DYNC1H1: variants seen among roughly 807,000 people sequenced by gnomAD.
DYNC1H1 encodes dynein cytoplasmic 1 heavy chain 1, also known as cytoplasmic dynein 1 heavy chain 1.
A neutral mutation model predicts 527.1 loss-of-function variants in DYNC1H1; 51 were observed. That is an observed-to-expected ratio of 0.10 (90% CI 0.08 to 0.12). The LOEUF (loss-of-function observed/expected upper bound fraction) is 0.12, where lower values mean the gene tolerates loss of function less well. Among genes scored for constraint, DYNC1H1 ranks in the 10% least tolerant of loss-of-function variants. The pLI, the probability that DYNC1H1 is intolerant of heterozygous loss-of-function variation, is 1.00. For synonymous variants in DYNC1H1, 2,189 were observed against 2,278.8 expected (o/e 0.96, Z 1.12); for missense variants, 2,771 against 5,971.8 (o/e 0.46, Z 17.66).
In DYNC1H1 at chr14:102,018,750, C is replaced by G; in HGVS notation, c.8343+134C>G. On this transcript the variant is annotated intron_variant, in intron 41 of 77. Transcript: ENST00000360184. This position sits in a 1 kb window ranked among gnomAD's most constrained non-coding sequence, Gnocchi z 5.2. Reference sequence around the variant, plus strand: ...CCAAGGTGGGTGGATCCTTTGAGCCCAGGAGTTTGAGACCAGTCTGGACAA... The same window carrying G: ...CCAAGGTGGGTGGATCCTTTGAGCCGAGGAGTTTGAGACCAGTCTGGACAA... 1 of 1,241,540 alleles carries G rather than the reference C, an allele frequency of 8.1e-7. No homozygotes were observed. The highest frequency in any genetic ancestry group is 1.3e-5 in the South Asian group (1 of 77,612). 76.9% of individuals were successfully genotyped at this position (1,241,540 alleles called of 1,614,324 possible).
rs376065869 is a variant in DYNC1H1, at chr14:102,034,036, A to G, written c.10474A>G (p.Thr3492Ala). The G allele has an allele frequency of 1.9e-6, 3 of 1,614,102 alleles. No homozygotes were observed. The highest frequency in any genetic ancestry group is 2.5e-6 in the Non-Finnish European group (3 of 1,180,028). The change falls in exon 55 of 78, where the codon ACA (threonine) becomes GCA (alanine). Residue 3492 changes from threonine (T) to alanine (A), a missense_variant. Physicochemically the swap from Thr to Ala is moderately conservative, Grantham distance 58. Coordinates refer to ENST00000360184, the MANE Select transcript of DYNC1H1 (RefSeq NM_001376.5). ...TGCTGAACGTGAACGATGGGAAAAA[A>G]CAAGTGAAACTTTCAAAAACCAGAT... ...LSAERERWEK[T>A]SETFKNQMST...
chr14:101,976,490 C>T (rs1254338424), intron 2 of DYNC1H1, among the ~76,000 whole-genome samples: 1 of 150,746 alleles, frequency 6.6e-6, no homozygotes. Flanking sequence ...TGCAGTGAGC[C>T]GAGATTGTGC....
rs17512635 is a variant in DYNC1H1 at position 102,029,375 on chromosome 14, C to T, written c.9469-164C>T. 2.2e-4 allele frequency: 182 copies of T among 823,104 alleles called. 1 individual carries two copies. In the African/African-American group the frequency reaches 2.5e-3, roughly 12 times the overall value. 51.0% of individuals were successfully genotyped at this position (823,104 alleles called of 1,614,324 possible). ...AGGTTTGGAAGTGTAAGGGGTATCT[C>T]GAAAGCTCTAAGTGGCTAAGCTGAG... is the stretch of plus-strand genomic sequence containing the variant. On this transcript the variant is annotated intron_variant, in intron 48 of 77. Transcript: ENST00000360184. This position sits in a 1 kb window ranked among gnomAD's most constrained non-coding sequence, Gnocchi z 5.3.
chr14:102,029,267 T>G lies in DYNC1H1; in HGVS notation c.9469-272T>G. The G allele has an allele frequency of 4.0e-6, 2 of 495,336 alleles. No individual in the cohort carries two copies. Among genetic ancestry groups the G allele is most frequent in the African/African-American group, 1.9e-5 (1 of 51,694 alleles). The allele number at this position is 495,336 out of a possible 1,614,324, so 30.7% of individuals were successfully genotyped here. A position where few individuals can be genotyped will look rare whatever the true frequency, so the allele number is the denominator to read the frequency against. On this transcript the variant is annotated intron_variant, in intron 48 of 77. Coordinates refer to ENST00000360184, the MANE Select transcript of DYNC1H1 (RefSeq NM_001376.5). The surrounding 1 kb of genome is among the most constrained non-coding windows in gnomAD (Gnocchi z 5.3). ...GCTAACCTTTCTATAGTAACTGACATTTGTGATGCCTTTTCACATAAGTAC... is the reference window on the plus strand; with the variant it reads ...GCTAACCTTTCTATAGTAACTGACAGTTGTGATGCCTTTTCACATAAGTAC...
At position 102,010,884 on chromosome 14, in the gene DYNC1H1, A is replaced by G. The variant is rs2152578236; in HGVS notation, c.6550A>G (p.Lys2184Glu). Reference protein sequence around the residue: ...EMTALREELKKVCQEMYLTYG... With the variant: ...EMTALREELKEVCQEMYLTYG... ...GACTGCCCTTCGAGAGGAGCTGAAG[A>G]AAGTGTGTCAGGAGATGTATTTGAC... is the stretch of plus-strand genomic sequence containing the variant. Residue 2184 changes from lysine to glutamate, a missense_variant, in exon 32 of 78, where the codon AAA becomes GAA. This residue lies in a region of DYNC1H1 where 56 missense variants were observed against 140.6 expected (regional missense o/e 0.40). Coordinates refer to ENST00000360184, the MANE Select transcript of DYNC1H1 (RefSeq NM_001376.5). The surrounding 1 kb of genome is among the most constrained non-coding windows in gnomAD (Gnocchi z 6.0). 1.2e-6 allele frequency: 2 copies of G among 1,614,244 alleles called. No homozygotes were observed. Among genetic ancestry groups the G allele is most frequent in the Non-Finnish European group, 8.5e-7 (1 of 1,180,052 alleles).
chr14:101,968,759 C>T (rs1180867152), intron 1 of DYNC1H1, among the ~76,000 whole-genome samples: 1 of 148,198 alleles, frequency 6.7e-6, no homozygotes, highest in Non-Finnish European at 1.5e-5. Context: ...GCAGGGTCTC[C>T]CCATGTTGCC....
rs1293536842 is a variant in DYNC1H1, at chr14:101,985,590, C to T, written c.1462-97C>T. The T allele has an allele frequency of 2.9e-6, 4 of 1,385,034 alleles. No individual in the cohort carries two copies. The highest frequency in any genetic ancestry group is 4.1e-6 in the Non-Finnish European group (4 of 981,784). 85.8% of individuals were successfully genotyped at this position (1,385,034 alleles called of 1,614,324 possible). On this transcript the variant is annotated intron_variant, in intron 7 of 77. Coordinates refer to ENST00000360184, the MANE Select transcript of DYNC1H1 (RefSeq NM_001376.5). The surrounding 1 kb of genome is among the most constrained non-coding windows in gnomAD (Gnocchi z 5.9). ...CCGCCTGCCTTGGCCTCCCAAAGTG[C>T]TGGGATTACAGGTGTGAGCCACTGC...
At position 102,050,898 on chromosome 14, in the gene DYNC1H1, C is replaced by T. The variant is rs575000400; in HGVS notation, c.*335C>T. ...ACGGCAGCCATGCCCCTCCCCACCT[C>T]GCTTTCATCATGAGCTCGCTCCCGA... On this transcript the variant is annotated 3_prime_UTR_variant, in exon 78 of 78. Coordinates refer to ENST00000360184, the MANE Select transcript of DYNC1H1 (RefSeq NM_001376.5). 371 of 375,398 alleles carry T rather than the reference C, an allele frequency of 9.9e-4. 3 individuals are homozygous for T. Among genetic ancestry groups the T allele is most frequent in the South Asian group, 7.8e-3 (353 of 45,166 alleles). The allele number at this position is 375,398 out of a possible 1,614,324, so 23.3% of individuals were successfully genotyped here. A position where few individuals can be genotyped will look rare whatever the true frequency, so the allele number is the denominator to read the frequency against.
rs76566190 is a variant in DYNC1H1 at position 102,051,255 on chromosome 14, CAA to C, written c.*704_*705del. On this transcript the variant is annotated 3_prime_UTR_variant, in exon 78 of 78. Transcript: ENST00000360184. The stretch of plus-strand genomic sequence containing the variant: ...TGGGTGACAGAGCAAGACCCTGTCT[CAA>C]AAAAAAAAAAAGCTGGGCGTGGTGG... 84 of 142,026 alleles carry C rather than the reference CAA, an allele frequency of 5.9e-4. No individual in the cohort carries two copies. The highest frequency in any genetic ancestry group is 9.3e-4 in the Non-Finnish European group (60 of 64,646). The allele number at this position is 142,026 out of a possible 1,614,324, so 8.8% of individuals were successfully genotyped here. A position where few individuals can be genotyped will look rare whatever the true frequency, so the allele number is the denominator to read the frequency against.
chr14:102,003,912 C>T (rs1335720700), intron 23 of DYNC1H1, among the ~76,000 whole-genome samples: 2 of 149,916 alleles, frequency 1.3e-5, no homozygotes, highest in East Asian at 4.0e-4. Context: ...GGTGACAGAG[C>T]AAGACTCCAT....
rs1383117534 is a variant in DYNC1H1 at position 101,986,137 on chromosome 14, G to A, written c.1912G>A (p.Val638Ile). 6 of 1,614,074 alleles carry A rather than the reference G, an allele frequency of 3.7e-6. No homozygotes were observed. The highest frequency in any genetic ancestry group is 2.7e-5 in the African/African-American group (2 of 74,928). Reference protein sequence around the residue: ...PQSQACKMSHVRDLPPVSGSI... With the variant: ...PQSQACKMSHIRDLPPVSGSI... Reference sequence around the variant, plus strand: ...GAGTCAGGCTTGTAAGATGAGTCACGTTCGTGACTTGCCCCCTGTGTCAGG... The same window carrying A: ...GAGTCAGGCTTGTAAGATGAGTCACATTCGTGACTTGCCCCCTGTGTCAGG... Residue 638 changes from valine (V) to isoleucine (I), a missense_variant, in exon 8 of 78, where the codon GTT becomes ATT. This residue lies in a region of DYNC1H1 where 264 missense variants were observed against 619.4 expected (regional missense o/e 0.43). Coordinates refer to ENST00000360184, the MANE Select transcript of DYNC1H1 (RefSeq NM_001376.5). This position sits in a 1 kb window ranked among gnomAD's most constrained non-coding sequence, Gnocchi z 8.7.
rs1405856802 is a variant in DYNC1H1, at chr14:102,027,049, A to G, written c.8772-125A>G. On this transcript the variant is annotated intron_variant, in intron 44 of 77. Coordinates refer to ENST00000360184, the MANE Select transcript of DYNC1H1 (RefSeq NM_001376.5). The surrounding 1 kb of genome is among the most constrained non-coding windows in gnomAD (Gnocchi z 7.7). ...TGGACTTCACAAATAACAGTTGCTC[A>G]GCAAATGTTTAATATACAAGTTCAA... 9 of 1,154,750 alleles carry G rather than the reference A, an allele frequency of 7.8e-6. No individual in the cohort carries two copies. The highest frequency in any genetic ancestry group is 9.1e-6 in the Non-Finnish European group (7 of 766,762). The allele number at this position is 1,154,750 out of a possible 1,614,324, so 71.5% of individuals were successfully genotyped here. A position where few individuals can be genotyped will look rare whatever the true frequency, so the allele number is the denominator to read the frequency against.
rs149526821 is a variant in DYNC1H1, at chr14:102,022,790, C to T, written c.8547C>T (p.Asn2849=). The change falls in exon 43 of 78, where the codon AAC becomes AAT. Residue 2849 remains asparagine (N), a synonymous_variant. Transcript: ENST00000360184. ...AGGAGAGGCGTTGGACTGATGAGAA[C>T]ATCGACACGGTTGCTCTGAAGCACT... The part of the protein sequence containing the change: ...EDEERRWTDE[N]IDTVALKHFP... 1.1e-5 allele frequency: 18 copies of T among 1,614,232 alleles called. No homozygotes were observed. In the Admixed American group the frequency reaches 2.8e-4, roughly 25 times the overall value.
chr14:102,038,080 A>T lies in DYNC1H1; in HGVS notation c.10909-380A>T. 1 of 349,380 alleles carries T rather than the reference A, an allele frequency of 2.9e-6. No individual in the cohort carries two copies. The highest frequency in any genetic ancestry group is 5.6e-6 in the Non-Finnish European group (1 of 178,348). 21.6% of individuals were successfully genotyped at this position (349,380 alleles called of 1,614,324 possible). A position where few individuals can be genotyped will look rare whatever the true frequency, so the allele number is the denominator to read the frequency against. ...CCCCCAGTCTGAACCTCCCAGGTTC[A>T]AGCAATTCTGTCTCAGCCTCCCAGG... On this transcript the variant is annotated intron_variant, in intron 57 of 77. Transcript: ENST00000360184. This position sits in a 1 kb window ranked among gnomAD's most constrained non-coding sequence, Gnocchi z 7.2.
chr14:102,022,970 A>G, intron 43 of DYNC1H1, 90 bp downstream of exon 43: 1 of 1,590,612 alleles, frequency 6.3e-7, no homozygotes. Context: ...TTCTACTCAA[A>G]AATATCTTTA....
In DYNC1H1 at chr14:102,049,552, A is replaced by G; in HGVS notation, c.13485A>G (p.Ala4495=). ...AACAGCTGCAGAACATCTCACTGGC[A>G]GCTGCATCTGGTGGCGCCAAGGAGC... is the stretch of plus-strand genomic sequence containing the variant. The part of the protein sequence containing the change: ...RIKQLQNISL[A]AASGGAKELK... Residue 4495 remains alanine, a synonymous_variant, in exon 75 of 78, where the codon GCA becomes GCG. Coordinates refer to ENST00000360184, the MANE Select transcript of DYNC1H1 (RefSeq NM_001376.5). The surrounding 1 kb of genome is among the most constrained non-coding windows in gnomAD (Gnocchi z 5.5). 6.2e-7 allele frequency: 1 copy of G among 1,614,120 alleles called. No homozygotes were observed. Among genetic ancestry groups the G allele is most frequent in the Non-Finnish European group, 8.5e-7 (1 of 1,180,032 alleles).
At position 102,033,400 on chromosome 14, in the gene DYNC1H1, C is replaced by T. The variant is rs1368241716; in HGVS notation, c.10329C>T (p.Ser3443=). Residue 3443 remains serine, a synonymous_variant, in exon 54 of 78, where the codon AGC becomes AGT. Coordinates refer to ENST00000360184, the MANE Select transcript of DYNC1H1 (RefSeq NM_001376.5). This position sits in a 1 kb window ranked among gnomAD's most constrained non-coding sequence, Gnocchi z 5.6. ...VEQMIRDLEA[S]IARYKEEYAV... ...AGATGATCCGAGACCTGGAAGCCAG[C>T]ATCGCCCGCTACAAGGAGGAATACG... 1 of 1,614,220 alleles carries T rather than the reference C, an allele frequency of 6.2e-7. No homozygotes were observed. Among genetic ancestry groups the T allele is most frequent in the Non-Finnish European group, 8.5e-7 (1 of 1,180,042 alleles).
At position 102,027,263 on chromosome 14, in the gene DYNC1H1, A is replaced by G; in HGVS notation, c.8861A>G (p.Asn2954Ser). The G allele has an allele frequency of 6.2e-7, 1 of 1,614,058 alleles. No individual in the cohort carries two copies. Among genetic ancestry groups the G allele is most frequent in the Non-Finnish European group, 8.5e-7 (1 of 1,180,010 alleles). ...TTLSRFVAWM[N>S]GLSVYQIKVH... ...CTGTCTCGTTTCGTCGCCTGGATGA[A>G]CGGTTTGAGTGTGTACCAGATTAAG... Residue 2954 changes from asparagine to serine, a missense_variant, in exon 45 of 78, where the codon AAC (asparagine) becomes AGC (serine). Around this residue, in one of 32 missense-constraint regions of DYNC1H1, gnomAD observed 84 missense variants for 285.4 expected, o/e 0.29. Transcript: ENST00000360184. This position sits in a 1 kb window ranked among gnomAD's most constrained non-coding sequence, Gnocchi z 7.7.
At position 102,048,027 on chromosome 14, in the gene DYNC1H1, A is replaced by G; in HGVS notation, c.13217A>G (p.Lys4406Arg). 2 of 1,610,126 alleles carry G rather than the reference A, an allele frequency of 1.2e-6. No individual in the cohort carries two copies. The highest frequency in any genetic ancestry group is 1.7e-6 in the Non-Finnish European group (2 of 1,179,618). Reference protein sequence around the residue: ...SHLKRTVENIKDPLFRFFERE... With the variant: ...SHLKRTVENIRDPLFRFFERE... ...CTCAAGCGCACCGTGGAGAATATCA[A>G]GGTAGCTGGGAGGGTGGCGGGCCGG... is the stretch of plus-strand genomic sequence containing the variant. The change falls in exon 73 of 78, where the codon AAG (lysine) becomes AGG (arginine). Residue 4406 changes from lysine to arginine, a missense_variant and splice_region_variant. By Grantham distance (26) the Lys-to-Arg change is conservative. Around this residue, in one of 32 missense-constraint regions of DYNC1H1, gnomAD observed 170 missense variants for 249.8 expected, o/e 0.68. Coordinates refer to ENST00000360184, the MANE Select transcript of DYNC1H1 (RefSeq NM_001376.5).
Sources: gnomAD v4.1 joint callset for allele counts (sites outside exome capture counted in the v4.1 genomes callset) on GRCh38, gnomAD v4.1.1 for gene constraint, gnomAD v4.1.1 regional missense constraint, Gnocchi (gnomAD v3.1) non-coding constraint, MANE v1.5 for transcripts, NCBI Gene and HGNC (gene_info 2026-07-23, HGNC 2026-07-21) for gene names.